The following LPIN2 variants were observed in gnomAD, a reference collection of about 807,000 sequenced individuals.
LPIN2 encodes lipin 2, also known as phosphatidate phosphatase LPIN2.
A neutral mutation model predicts 111.4 loss-of-function variants in LPIN2; 55 were observed. The ratio of observed to expected loss-of-function variants is 0.49; its 90% CI spans 0.40 to 0.62. LPIN2 has a LOEUF of 0.62. LPIN2 is among the 20% of genes least tolerant of loss of function. The probability of loss-of-function intolerance (pLI) is 0.00; values close to 1 mark genes in which losing one functional copy is unlikely to be tolerated. For synonymous variants in LPIN2, 425 were observed against 414.0 expected (o/e 1.03, Z -0.32); for missense variants, 992 against 1,112.1 (o/e 0.89, Z 1.54).
intron 7 of LPIN2, 106 bp from the exon 8 acceptor site, chr18:2,934,556 A>C (rs1434169076): frequency 2.6e-6 from 2 of 755,534 alleles, no homozygotes; most frequent in Non-Finnish European, 4.6e-6. Context: ...CAGGATTTGA[A>C]TAGGGTTTTA....
rs1191050757 is a variant in LPIN2 at position 2,954,975 on chromosome 18, T to TCA, written c.193-378_193-377dup. On this transcript the variant is annotated intron_variant, in intron 2 of 19. Transcript: ENST00000677752. ...CAGATACACACAAGTTTCAGGAACC[T>TCA]CAGTATGTGAGCTGTGAGCAACTGC... 1.4e-4 allele frequency among the ~76,000 whole-genome samples: 21 copies of TCA among 152,292 alleles called. No individual in the cohort carries two copies. In the East Asian group the frequency reaches 3.9e-3, roughly 28 times the overall value.
intron 4 of LPIN2, among the ~76,000 whole-genome samples, chr18:2,943,027 C>T (rs2077387353): frequency 6.6e-6 from 1 of 152,216 alleles, no homozygotes; most frequent in South Asian, 2.1e-4. Flanking sequence ...CCAGCCCTCA[C>T]AGATGTGCTA....
intron 1 of LPIN2, among the ~76,000 whole-genome samples, chr18:2,968,995 T>G (rs981146466): frequency 6.6e-6 from 1 of 152,172 alleles, no homozygotes; most frequent in South Asian, 2.1e-4. Context: ...TGATGACTGT[T>G]GCATGAACCA....
intron 10 of LPIN2, 48 bp from the exon 11 acceptor site, chr18:2,928,708 CAA>C (rs2077171592): frequency 8.1e-7 from 1 of 1,232,508 alleles, no homozygotes; most frequent in African/African-American, 1.5e-5. Flanking sequence ...TGAAAGTGAG[CAA>C]GAGAGAGGGG....
At chr18:2,947,258 A>G (rs1344607097) in intron 4 of LPIN2, among the ~76,000 whole-genome samples, 3 of 152,284 alleles carry the variant, frequency 2.0e-5, no homozygotes, top group Admixed American at 2.0e-4. Flanking sequence ...CATGTTTCAT[A>G]TATTTGCACT....
chr18:2,929,193 A>G, intron 9 of LPIN2, 35 bp from the exon 10 acceptor site: 1 of 1,251,100 alleles, frequency 8.0e-7, no homozygotes, highest in African/African-American at 1.5e-5. Context: ...TTGGTTAGAG[A>G]TTACATAAAT....
intron 18 of LPIN2, chr18:2,921,326 T>C (rs1784715549): frequency 1.6e-6 from 1 of 617,190 alleles, no homozygotes; most frequent in South Asian, 1.9e-5. Flanking sequence ...GCGTCCTTCG[T>C]ATAAATTCTG....
At chr18:2,961,757 A>G (rs542758815) in intron 1 of LPIN2, among the ~76,000 whole-genome samples, 99 of 152,270 alleles carry the variant, frequency 6.5e-4, no homozygotes, top group African/African-American at 2.2e-3. Context: ...TATTCATTAG[A>G]TGCTGACACC....
intron 18 of LPIN2, 190 bp from the exon 19 acceptor site, chr18:2,921,071 G>C (rs2077046767): frequency 1.6e-6 from 1 of 638,550 alleles, no homozygotes; most frequent in African/African-American, 1.8e-5. Context: ...TGGAGAGTCA[G>C]AAAACTTGGG....
intron 1 of LPIN2, among the ~76,000 whole-genome samples, chr18:2,999,232 C>T (rs549510827): frequency 6.6e-6 from 1 of 152,280 alleles, no homozygotes; most frequent in Admixed American, 6.5e-5. Flanking sequence ...GGGATCTTTA[C>T]AGAGGTATTC....
chr18:3,011,715 T>C (rs1014947690), intron 1 of LPIN2: 2 of 152,224 alleles, frequency 1.3e-5, no homozygotes, highest in Non-Finnish European at 2.9e-5. Context: ...CAGTCTGACA[T>C]ACCACAATCA....
At chr18:2,952,229 C>A (rs918574037) in intron 3 of LPIN2, among the ~76,000 whole-genome samples, 3 of 152,182 alleles carry the variant, frequency 2.0e-5, no homozygotes, top group African/African-American at 7.2e-5. Flanking sequence ...GAGTTTGAGA[C>A]CAGCCTGGCT....
chr18:2,995,104 G>A (rs192675085), intron 1 of LPIN2, among the ~76,000 whole-genome samples: 44 of 152,268 alleles, frequency 2.9e-4, no homozygotes, highest in African/African-American at 1.0e-3. Flanking sequence ...AGGATCCCAT[G>A]AGGTGGTGCC....
In LPIN2 at chr18:2,982,753, T is replaced by C. The variant is rs945231847; in HGVS notation, c.-9-21904A>G. On this transcript the variant is annotated intron_variant, in intron 1 of 19. Transcript: ENST00000677752. ...ACAAACCACCTCATCTTCCTTGTCA[T>C]CTTCTAAGTAAAACATCTTGAAATT... The C allele has an allele frequency of 3.1e-6, 4 of 1,299,170 alleles. No homozygotes were observed. The African/African-American group carries it at 6.1e-5, about 20-fold the overall frequency. 80.5% of individuals were successfully genotyped at this position (1,299,170 alleles called of 1,614,324 possible).
chr18:2,943,189 C>T (rs2077389807), intron 4 of LPIN2, among the ~76,000 whole-genome samples: 1 of 128,336 alleles, frequency 7.8e-6, no homozygotes, highest in African/African-American at 2.8e-5. Flanking sequence ...GTAAATTATA[C>T]CTCAGTTTTT....
intron 2 of LPIN2, among the ~76,000 whole-genome samples, chr18:2,960,174 A>ATGTGTGTG (rs59457524): frequency 0.064 from 8,777 of 136,492 alleles, 350 homozygotes; most frequent in Non-Finnish European, 0.076. Flanking sequence ...CGACTCAAAA[A>ATGTGTGTG]TGTGTGTGTG....
intron 1 of LPIN2, among the ~76,000 whole-genome samples, chr18:2,962,196 G>A (rs118025491): frequency 0.015 from 2,259 of 151,868 alleles, 22 homozygotes; most frequent in Non-Finnish European, 0.022. Flanking sequence ...TGTAATCAAG[G>A]CCCATCAGTT....
chr18:2,982,616 C>A, intron 1 of LPIN2: 2 of 818,740 alleles, frequency 2.4e-6, no homozygotes, highest in Non-Finnish European at 3.7e-6. Context: ...TCAGTAGTGT[C>A]CAGATTGAGC....
chr18:2,920,068 T>C lies in LPIN2; in HGVS notation c.*225A>G. The C allele has an allele frequency of 1.6e-6, 1 of 606,606 alleles. No homozygotes were observed. Among genetic ancestry groups the C allele is most frequent in the Non-Finnish European group, 2.9e-6 (1 of 342,950 alleles). 37.6% of individuals were successfully genotyped at this position (606,606 alleles called of 1,614,324 possible). A position where few individuals can be genotyped will look rare whatever the true frequency, so the allele number is the denominator to read the frequency against. On this transcript the variant is annotated 3_prime_UTR_variant, in exon 20 of 20. Transcript: ENST00000677752. ...ACCCACAAAGGAGGGATCCCAGGCCTCCAGCCCCAGGCCCAGTTCCTCCCT... is the reference window on the plus strand; with the variant it reads ...ACCCACAAAGGAGGGATCCCAGGCCCCCAGCCCCAGGCCCAGTTCCTCCCT...
Sources: allele counts gnomAD v4.1 joint callset (sites outside exome capture counted in the v4.1 genomes callset), GRCh38; gene constraint gnomAD v4.1.1; transcripts MANE v1.5; gene names NCBI Gene and HGNC (gene_info 2026-07-23, HGNC 2026-07-21).